EBF1: variants seen among roughly 807,000 people sequenced by gnomAD.
The protein encoded by EBF1 is transcription factor COE1.
Under a neutral mutation model 68.4 loss-of-function variants are expected in EBF1, and 10 were observed. The ratio of observed to expected loss-of-function variants is 0.15; its 90% CI spans 0.09 to 0.25. EBF1 has a LOEUF of 0.25. Ranked by LOEUF, EBF1 falls within the 10% of genes least tolerant of loss-of-function variation. The pLI is 1.00. For synonymous variants in EBF1, 298 were observed against 299.8 expected, an observed-to-expected ratio of 0.99 and a Z score of 0.06; for missense variants, 509 against 794.4, an observed-to-expected ratio of 0.64 and a Z score of 4.32.
At chr5:158,745,466 C>T (rs1350475901) in intron 10 of EBF1, among the ~76,000 whole-genome samples, 1 of 152,140 alleles carries the variant, frequency 6.6e-6, no homozygotes, top group African/African-American at 2.4e-5. Context: ...TTGAACCCAC[C>T]CACCTAAGCC....
chr5:158,716,160 C>T (rs2127499477), intron 11 of EBF1, among the ~76,000 whole-genome samples: 1 of 152,194 alleles, frequency 6.6e-6, no homozygotes, highest in South Asian at 2.1e-4. Context: ...AATTAAACTC[C>T]AAGATCTTTG....
chr5:159,096,719 G>A, intron 2 of EBF1: 1 of 613,050 alleles, frequency 1.6e-6, no homozygotes, highest in Admixed American at 3.0e-5. Flanking sequence ...GTTCATTCCG[G>A]GTGCCCATGG....
chr5:158,787,639 G>A (rs1028165851), intron 9 of EBF1, among the ~76,000 whole-genome samples: 1 of 152,134 alleles, frequency 6.6e-6, no homozygotes, highest in African/African-American at 2.4e-5. Flanking sequence ...TCAATAATCA[G>A]CTGTGGGACC....
intron 12 of EBF1, 33 bp from the exon 13 acceptor site, chr5:158,713,180 C>T (rs756829673): frequency 3.4e-5 from 47 of 1,388,358 alleles, no homozygotes; most frequent in Middle Eastern, 1.9e-4. Context: ...CCTTCAGCTG[C>T]CCCCAGTCAT....
chr5:158,921,819 G>C (rs1283781242), intron 6 of EBF1, among the ~76,000 whole-genome samples: 2 of 152,178 alleles, frequency 1.3e-5, no homozygotes, highest in African/African-American at 4.8e-5. Flanking sequence ...TCTCCCTTAT[G>C]ACATGGCCAG....
intron 6 of EBF1, among the ~76,000 whole-genome samples, chr5:158,892,031 C>T (rs1801276996): frequency 6.6e-6 from 1 of 152,108 alleles, no homozygotes; most frequent in Non-Finnish European, 1.5e-5. Flanking sequence ...TGTAACATAC[C>T]AGGGAATACT....
chr5:159,010,393 C>T (rs1764404701), intron 6 of EBF1, among the ~76,000 whole-genome samples: 2 of 152,198 alleles, frequency 1.3e-5, no homozygotes, highest in Admixed American at 1.3e-4. Context: ...TACACAATTG[C>T]TTCTTCTGTG....
At chr5:158,920,701 C>T (rs1808227024) in intron 6 of EBF1, among the ~76,000 whole-genome samples, 1 of 152,180 alleles carries the variant, frequency 6.6e-6, no homozygotes, top group Admixed American at 6.5e-5. Flanking sequence ...TTCTCAGCCT[C>T]CCAAGTAGCT....
chr5:158,889,643 A>C (rs1800766794), intron 6 of EBF1, among the ~76,000 whole-genome samples: 1 of 152,198 alleles, frequency 6.6e-6, no homozygotes, highest in South Asian at 2.1e-4. Context: ...TAGAGCAGAA[A>C]AGCTTCACAA....
chr5:159,074,090 T>C (rs970320847), intron 5 of EBF1, among the ~76,000 whole-genome samples: 2 of 152,218 alleles, frequency 1.3e-5, no homozygotes, highest in African/African-American at 4.8e-5. Flanking sequence ...TTCACATTCC[T>C]CTGGCTATAA....
At position 159,074,267 on chromosome 5, in the gene EBF1, T is replaced by G. The variant is rs955486289; in HGVS notation, c.486-803A>C. 7.4e-4 allele frequency among the ~76,000 whole-genome samples: 113 copies of G among 152,290 alleles called. 1 individual carries two copies. Among genetic ancestry groups the G allele is most frequent in the African/African-American group, 2.6e-3 (108 of 41,554 alleles). On this transcript the variant is annotated intron_variant, in intron 5 of 15. Transcript: ENST00000313708. ...CTCCCCTGCCAGTTGTGGCTGCCAG[T>G]TTTTTAAAAACTGAGATGCCTTCTA...
At chr5:158,943,797 G>A (rs1238013160) in intron 6 of EBF1, among the ~76,000 whole-genome samples, 1 of 152,194 alleles carries the variant, frequency 6.6e-6, no homozygotes, top group Non-Finnish European at 1.5e-5. Context: ...AGAAGGCATT[G>A]AAATATTCTA....
At chr5:158,752,658 T>C (rs1286037898) in intron 10 of EBF1, among the ~76,000 whole-genome samples, 1 of 152,250 alleles carries the variant, frequency 6.6e-6, no homozygotes, top group East Asian at 1.9e-4. Flanking sequence ...TTGTTTTCTA[T>C]ACATTTCAAA....
In EBF1 at chr5:158,837,491, C is replaced by G. The variant is rs116392637; in HGVS notation, c.636+2538G>C. Among the ~76,000 whole-genome samples, 662 of 152,302 alleles carry G rather than the reference C, an allele frequency of 4.3e-3. 4 individuals are homozygous for G. The highest frequency in any genetic ancestry group is 0.015 in the African/African-American group (628 of 41,548). Reference sequence around the variant, plus strand: ...GAAGTGTCAATTTTCCTCCATTTTACAGTTGAGGAAACTGAAGCTCCAAAG... The same window carrying G: ...GAAGTGTCAATTTTCCTCCATTTTAGAGTTGAGGAAACTGAAGCTCCAAAG... On this transcript the variant is annotated intron_variant, in intron 7 of 15. Transcript: ENST00000313708.
chr5:159,040,857 C>T (rs1370773567), intron 6 of EBF1, among the ~76,000 whole-genome samples: 1 of 152,186 alleles, frequency 6.6e-6, no homozygotes, highest in African/African-American at 2.4e-5. Context: ...AAGCACATAG[C>T]TTTCACTGAT....
rs182846592 is a variant in EBF1 at position 159,032,193 on chromosome 5, C to T, written c.554+41203G>A. The stretch of plus-strand genomic sequence containing the variant: ...CACTTATTTATACATTAATTTGTGC[C>T]AGAATCATCTCCTGTAATCCTGATT... On this transcript the variant is annotated intron_variant, in intron 6 of 15. Coordinates refer to ENST00000313708, the MANE Select transcript of EBF1 (RefSeq NM_024007.5). Among the ~76,000 whole-genome samples the T allele has an allele frequency of 3.3e-3, 501 of 152,214 alleles. 4 individuals are homozygous for T. Among genetic ancestry groups the T allele is most frequent in the African/African-American group, 0.012 (480 of 41,526 alleles).
intron 6 of EBF1, among the ~76,000 whole-genome samples, chr5:158,952,341 T>C (rs1816200568): frequency 6.6e-6 from 1 of 152,182 alleles, no homozygotes; most frequent in African/African-American, 2.4e-5. Context: ...AAGGACATTA[T>C]ATTCCACGGC....
rs149945612 is a variant in EBF1 at position 159,027,455 on chromosome 5, A to G, written c.554+45941T>C. Among the ~76,000 whole-genome samples the G allele has an allele frequency of 1.5e-3, 227 of 152,274 alleles. 4 individuals carry two copies. In the South Asian group the frequency reaches 0.044, roughly 29 times the overall value. On this transcript the variant is annotated intron_variant, in intron 6 of 15. Transcript: ENST00000313708. The stretch of plus-strand genomic sequence containing the variant: ...ACCCTCTCCTAGCACTTTGCTTAAC[A>G]TTCAGCACTCAATCATTATTTTCTG...
chr5:158,891,685 C>T (rs567546625), intron 6 of EBF1, among the ~76,000 whole-genome samples: 133 of 152,142 alleles, frequency 8.7e-4, no homozygotes, highest in Middle Eastern at 3.4e-3. Flanking sequence ...GGTATGTTTA[C>T]GCATACGTAT....
Sources: gnomAD v4.1 joint callset for allele counts (sites outside exome capture counted in the v4.1 genomes callset) on GRCh38, gnomAD v4.1.1 for gene constraint, MANE v1.5 for transcripts, NCBI Gene and HGNC (gene_info 2026-07-23, HGNC 2026-07-21) for gene names.